The following NUP54 variants were observed in gnomAD, a reference collection of about 807,000 sequenced individuals.
NUP54 encodes nucleoporin 54, also known as nucleoporin p54.
Under a neutral mutation model 66.4 loss-of-function variants are expected in NUP54, and 27 were observed. The ratio of observed to expected loss-of-function variants is 0.41; its 90% CI spans 0.30 to 0.56. The LOEUF (loss-of-function observed/expected upper bound fraction) is 0.56, where lower values mean the gene tolerates loss of function less well. Ranked by LOEUF, NUP54 falls within the 20% of genes least tolerant of loss-of-function variation. NUP54 has a pLI of 0.34. For missense variants in NUP54, 486 were observed against 596.3 expected, an observed-to-expected ratio of 0.82 and a Z score of 1.93; for synonymous variants, 206 against 210.7, an observed-to-expected ratio of 0.98 and a Z score of 0.19.
chr4:76,117,892 TAC>T, intron 10 of NUP54, 118 bp from the exon 11 acceptor site: 2 of 999,408 alleles, frequency 2.0e-6, no homozygotes, highest in Non-Finnish European at 3.0e-6. Context: ...TCTCTCTCTG[TAC>T]ATTATATTCG....
chr4:76,123,542 TTGCTCTGTAGCCTAGGCTGGAG>T (rs1730329240), intron 9 of NUP54, among the ~76,000 whole-genome samples: 2 of 152,186 alleles, frequency 1.3e-5, no homozygotes, highest in Non-Finnish European at 2.9e-5. Flanking sequence ...AGATGGAGTC[TTGCTCTGTAGCCTAGGCTGGAG>T]TGCAGTGGCG....
intron 3 of NUP54, among the ~76,000 whole-genome samples, chr4:76,138,379 C>CA (rs1371129993): frequency 1.3e-5 from 2 of 152,188 alleles, no homozygotes; most frequent in Non-Finnish European, 2.9e-5. Context: ...GTTGAATACA[C>CA]ATCCTCCTTG....
At chr4:76,117,105 C>T (rs1337242246) in intron 11 of NUP54, among the ~76,000 whole-genome samples, 1 of 152,184 alleles carries the variant, frequency 6.6e-6, no homozygotes, top group Non-Finnish European at 1.5e-5. Flanking sequence ...CCCTCACACC[C>T]TGGCAACCAC....
intron 8 of NUP54, among the ~76,000 whole-genome samples, chr4:76,129,653 CAGG>C (rs1560682502): frequency 6.6e-6 from 1 of 152,046 alleles, no homozygotes; most frequent in African/African-American, 2.4e-5. Flanking sequence ...ATCACGAGGT[CAGG>C]AGATCGAGAC....
chr4:76,127,530 AAC>A (rs1730597580), intron 8 of NUP54, among the ~76,000 whole-genome samples: 1 of 152,006 alleles, frequency 6.6e-6, no homozygotes, highest in Non-Finnish European at 1.5e-5. Context: ...TCATGATGAC[AAC>A]AAAAGACTCA....
chr4:76,122,650 T>C (rs56669417), intron 9 of NUP54, among the ~76,000 whole-genome samples: 20,003 of 152,188 alleles, frequency 0.13, 1,538 homozygotes, highest in East Asian at 0.35. Context: ...GTTTACGTAG[T>C]TCCTCAAAAA....
chr4:76,136,246 A>G lies in NUP54; in HGVS notation c.462T>C (p.Tyr154=). 1.2e-6 allele frequency: 2 copies of G among 1,614,150 alleles called. No homozygotes were observed. The highest frequency in any genetic ancestry group is 1.7e-6 in the Non-Finnish European group (2 of 1,180,012). The change falls in exon 4 of 12, where the codon TAT becomes TAC. Residue 154 remains tyrosine (Y), a synonymous_variant. Coordinates refer to ENST00000264883, the MANE Select transcript of NUP54 (RefSeq NM_017426.4). ...LQAFWGTGKG[Y]FNNNIPPVEF... ...CCACTGGCGGAATATTATTGTTGAA[A>G]TACCCTTTTCCTGTTCCCCAAAAGG...
At chr4:76,119,150 A>G (rs1465841068) in intron 9 of NUP54, among the ~76,000 whole-genome samples, 3 of 152,204 alleles carry the variant, frequency 2.0e-5, no homozygotes, top group Non-Finnish European at 2.9e-5. Flanking sequence ...AGGTCTAAAA[A>G]TTATTTCTTG....
Position 76,146,175 on chromosome 4 carries a change from C to G in NUP54, c.68-1702G>C, listed in dbSNP as rs548958084. The G allele has an allele frequency of 2.3e-5, 10 of 431,314 alleles. No homozygotes were observed. The East Asian group carries it at 6.5e-4, about 28-fold the overall frequency. 26.7% of individuals were successfully genotyped at this position (431,314 alleles called of 1,614,324 possible). A position where few individuals can be genotyped will look rare whatever the true frequency, so the allele number is the denominator to read the frequency against. On this transcript the variant is annotated intron_variant, in intron 1 of 11. Coordinates refer to ENST00000264883, the MANE Select transcript of NUP54 (RefSeq NM_017426.4). ...AAGTAAACAAGAAAGTCTATCAGCC[C>G]TTTGCTGAAGGTTAACACATATAAA...
chr4:76,127,558 A>T (rs1398036325), intron 8 of NUP54, among the ~76,000 whole-genome samples: 2 of 152,090 alleles, frequency 1.3e-5, no homozygotes, highest in Non-Finnish European at 2.9e-5. Context: ...GAAAGGTTAA[A>T]CTCTAAATTT....
chr4:76,133,059 TA>T lies in NUP54; in HGVS notation c.711-341del, dbSNP rs1560685874. 3.4e-3 allele frequency among the ~76,000 whole-genome samples: 506 copies of T among 149,696 alleles called. 4 individuals are homozygous for T. Among genetic ancestry groups the T allele is most frequent in the African/African-American group, 7.5e-3 (306 of 40,918 alleles). ...CATAAATATATATGATATATATATATATATATTTTTAAATTTTTTTGAGAGA... is the reference window on the plus strand; with the variant it reads ...CATAAATATATATGATATATATATATTATATTTTTAAATTTTTTTGAGAGA... On this transcript the variant is annotated intron_variant, in intron 5 of 11. Coordinates refer to ENST00000264883, the MANE Select transcript of NUP54 (RefSeq NM_017426.4).
intron 8 of NUP54, 145 bp from the exon 9 acceptor site, chr4:76,124,901 T>A: frequency 2.0e-6 from 1 of 491,262 alleles, no homozygotes; most frequent in Non-Finnish European, 3.6e-6. Flanking sequence ...ATCTGTGCTT[T>A]ATATTTCTTC....
Position 76,134,212 on chromosome 4 carries a change from C to T in NUP54, c.673G>A (p.Val225Ile). 1 of 1,613,520 alleles carries T rather than the reference C, an allele frequency of 6.2e-7. No individual in the cohort carries two copies. Among genetic ancestry groups the T allele is most frequent in the Non-Finnish European group, 8.5e-7 (1 of 1,179,564 alleles). Reference sequence around the variant, plus strand: ...AATGTTTTAGTGCCCTCTACATTTACAGTAAGGGTCTGGTTTCCTCCCAAA... The same window carrying T: ...AATGTTTTAGTGCCCTCTACATTTATAGTAAGGGTCTGGTTTCCTCCCAAA... ...KVLGGNQTLT[V>I]NVEGTKTLPD... The change falls in exon 5 of 12, where the codon GTA (valine) becomes ATA (isoleucine). Residue 225 changes from valine (V) to isoleucine (I), a missense_variant. Val to Ile is a conservative substitution (Grantham distance 29). Around this residue, in one of 4 missense-constraint regions of NUP54, gnomAD observed 217 missense variants for 247.9 expected, o/e 0.88. Coordinates refer to ENST00000264883, the MANE Select transcript of NUP54 (RefSeq NM_017426.4).
At position 76,115,081 on chromosome 4, in the gene NUP54, G is replaced by T. The variant is rs919300909; in HGVS notation, c.*285C>A. ...AAACACAGATTATGTTTAAGAAAATGCTGTTGTAAAAATGTACAATAGTAC... is the reference window on the plus strand; with the variant it reads ...AAACACAGATTATGTTTAAGAAAATTCTGTTGTAAAAATGTACAATAGTAC... On this transcript the variant is annotated 3_prime_UTR_variant, in exon 12 of 12. Coordinates refer to ENST00000264883, the MANE Select transcript of NUP54 (RefSeq NM_017426.4). 4.3e-6 allele frequency: 1 copy of T among 234,082 alleles called. No homozygotes were observed. The highest frequency in any genetic ancestry group is 8.2e-6 in the Non-Finnish European group (1 of 122,434). The allele number at this position is 234,082 out of a possible 1,614,324, so 14.5% of individuals were successfully genotyped here.
chr4:76,142,848 TTC>T (rs1731319406), intron 3 of NUP54, among the ~76,000 whole-genome samples: 1 of 152,168 alleles, frequency 6.6e-6, no homozygotes, highest in East Asian at 1.9e-4. Flanking sequence ...AGGCTGCAGT[TTC>T]TGACATTAAA....
intron 5 of NUP54, 25 bp downstream of exon 5, chr4:76,134,150 A>G (rs754782805): frequency 3.3e-6 from 5 of 1,506,288 alleles, no homozygotes; most frequent in Middle Eastern, 1.7e-4. Flanking sequence ...ACACAGAAAT[A>G]AACAGTATAT....
At chr4:76,135,189 A>G (rs1730986483) in intron 4 of NUP54, among the ~76,000 whole-genome samples, 1 of 152,218 alleles carries the variant, frequency 6.6e-6, no homozygotes, top group South Asian at 2.1e-4. Context: ...ATTGGTTTAT[A>G]TAATACAAAA....
intron 3 of NUP54, among the ~76,000 whole-genome samples, chr4:76,139,903 T>C (rs1731191911): frequency 6.6e-6 from 1 of 152,208 alleles, no homozygotes. Flanking sequence ...ACAGTAAGTG[T>C]TCACTGGATT....
At chr4:76,118,657 G>C (rs1402979037) in intron 9 of NUP54, among the ~76,000 whole-genome samples, 1 of 150,032 alleles carries the variant, frequency 6.7e-6, no homozygotes, top group African/African-American at 2.5e-5. Flanking sequence ...TGGCCTCCCA[G>C]AGTGCTGGGT....
Sources: allele counts gnomAD v4.1 joint callset (sites outside exome capture counted in the v4.1 genomes callset), GRCh38; gene constraint gnomAD v4.1.1; regional missense constraint gnomAD v4.1.1; transcripts MANE v1.5; gene names NCBI Gene and HGNC (gene_info 2026-07-23, HGNC 2026-07-21).